The following ADARB2 variants were observed in gnomAD, a reference collection of about 807,000 sequenced individuals.
ADARB2 encodes the protein adenosine deaminase RNA specific B2 (inactive), also known as inactive double-stranded RNA-specific editase B2.
In ADARB2, 25 loss-of-function variants were observed where a neutral mutation model predicts 62.2. The observed-to-expected ratio is 0.40, with a 90% confidence interval of 0.29 to 0.56. The LOEUF is 0.56. Ranked by LOEUF, ADARB2 falls within the 20% of genes least tolerant of loss-of-function variation. The pLI is 0.43. For synonymous variants in ADARB2, 572 were observed against 500.8 expected (o/e 1.14, Z -1.90); for missense variants, 1,071 against 1,077.4 (o/e 0.99, Z 0.08).
intron 1 of ADARB2, among the ~76,000 whole-genome samples, chr10:1,515,297 A>C (rs533363439): frequency 8.1e-4 from 123 of 152,284 alleles, no homozygotes; most frequent in African/African-American, 3.0e-3. Flanking sequence ...CCCCGCTGGG[A>C]ACCTGGTGCC....
intron 4 of ADARB2, among the ~76,000 whole-genome samples, chr10:1,256,088 T>C (rs1188784679): frequency 6.6e-6 from 1 of 152,210 alleles, no homozygotes; most frequent in African/African-American, 2.4e-5. Context: ...ACTTGGAGTA[T>C]TGCCCAGTAT....
chr10:1,526,778 G>A (rs780244946), intron 1 of ADARB2: 1 of 495,324 alleles, frequency 2.0e-6, no homozygotes, highest in Non-Finnish European at 4.2e-6. Flanking sequence ...ATGACATGAA[G>A]CAGCTGTTCC....
intron 1 of ADARB2, among the ~76,000 whole-genome samples, chr10:1,668,570 G>C (rs1834340798): frequency 6.6e-6 from 1 of 152,178 alleles, no homozygotes; most frequent in Admixed American, 6.5e-5. Flanking sequence ...GTCAGGAAAA[G>C]TGGTGTGAAT....
At chr10:1,716,810 C>T (rs1416088136) in intron 1 of ADARB2, among the ~76,000 whole-genome samples, 1 of 152,120 alleles carries the variant, frequency 6.6e-6, no homozygotes, top group Non-Finnish European at 1.5e-5. Flanking sequence ...GTATATATCC[C>T]TTATGACTAT....
chr10:1,216,446 CCT>C (rs1280639651), intron 7 of ADARB2: 9 of 153,658 alleles, frequency 5.9e-5, no homozygotes, highest in African/African-American at 2.3e-4. Flanking sequence ...CATCCCGAGA[CCT>C]CCACATGGAG....
At chr10:1,410,232 T>C (rs891871945) in intron 1 of ADARB2, among the ~76,000 whole-genome samples, 4 of 143,566 alleles carry the variant, frequency 2.8e-5, no homozygotes, top group African/African-American at 8.2e-5. Flanking sequence ...GCCGTGGTCA[T>C]GGGGAAGGAT....
rs184970311 is a variant in ADARB2 at position 1,320,809 on chromosome 10, G to A, written c.1077+42219C>T. 2.2e-3 allele frequency among the ~76,000 whole-genome samples: 331 copies of A among 152,254 alleles called. 2 individuals carry two copies. The highest frequency in any genetic ancestry group is 7.5e-3 in the African/African-American group (311 of 41,548). On this transcript the variant is annotated intron_variant, in intron 3 of 9. Transcript: ENST00000381312. ...AAAAAATATTAGAATACAATGGGCCGGCAGGCAAATGATAAAATGCCTCTT... is the reference window on the plus strand; with the variant it reads ...AAAAAATATTAGAATACAATGGGCCAGCAGGCAAATGATAAAATGCCTCTT...
At chr10:1,725,853 C>T (rs1220865610) in intron 1 of ADARB2, among the ~76,000 whole-genome samples, 1 of 152,196 alleles carries the variant, frequency 6.6e-6, no homozygotes, top group Non-Finnish European at 1.5e-5. Flanking sequence ...GGTGAGAAGT[C>T]CCAGGGAGAG....
rs7081909 is a variant in ADARB2, at chr10:1,180,066, A to G, written c.*3127T>C. 0.92 allele frequency: 140,533 copies of G among 152,260 alleles called. 65,837 individuals carry two copies. The highest frequency in any genetic ancestry group is 1 in the Non-Finnish European group (67,966 of 68,072). 9.4% of individuals were successfully genotyped at this position (152,260 alleles called of 1,614,324 possible). On this transcript the variant is annotated 3_prime_UTR_variant, in exon 10 of 10. Coordinates refer to ENST00000381312, the MANE Select transcript of ADARB2 (RefSeq NM_018702.4). ...CAGTGGTCAAAACTGCAGGGCAGAC[A>G]TGGCCTGAAAGTGGTGCTGGGATGT...
intron 1 of ADARB2, among the ~76,000 whole-genome samples, chr10:1,439,549 AG>A: frequency 1.1e-5 from 1 of 92,152 alleles, no homozygotes; most frequent in Non-Finnish European, 2.5e-5. Flanking sequence ...TCTCCTCAGC[AG>A]ATGGAGGCAG....
intron 1 of ADARB2, among the ~76,000 whole-genome samples, chr10:1,446,332 A>G (rs1830968825): frequency 6.6e-6 from 1 of 152,156 alleles, no homozygotes; most frequent in South Asian, 2.1e-4. Context: ...CAATACACAA[A>G]TCGTCATAGT....
intron 3 of ADARB2, among the ~76,000 whole-genome samples, chr10:1,346,957 C>T (rs911310491): frequency 6.6e-6 from 1 of 152,246 alleles, no homozygotes; most frequent in African/African-American, 2.4e-5. Flanking sequence ...AAGAAAGCAG[C>T]CCCCAGCATA....
intron 2 of ADARB2, among the ~76,000 whole-genome samples, chr10:1,378,252 C>G (rs1478713182): frequency 6.6e-6 from 1 of 152,176 alleles, no homozygotes; most frequent in Non-Finnish European, 1.5e-5. Context: ...AGCCTGGTGC[C>G]ATCCTGAGGA....
At chr10:1,466,513 G>A (rs186220891) in intron 1 of ADARB2, among the ~76,000 whole-genome samples, 173 of 152,236 alleles carry the variant, frequency 1.1e-3, no homozygotes, top group Admixed American at 9.3e-3. Flanking sequence ...GATGAAAAAC[G>A]TTTCTTTCTC....
chr10:1,294,788 C>T (rs1034781572), intron 3 of ADARB2, among the ~76,000 whole-genome samples: 18 of 152,206 alleles, frequency 1.2e-4, no homozygotes, highest in African/African-American at 4.1e-4. Context: ...CTAATTAGCG[C>T]TACCCAATTC....
intron 1 of ADARB2, among the ~76,000 whole-genome samples, chr10:1,604,410 C>T (rs940974743): frequency 3.3e-5 from 5 of 152,120 alleles, no homozygotes; most frequent in Non-Finnish European, 5.9e-5. Context: ...CTGTGATCTC[C>T]AGGCTGGGAA....
intron 1 of ADARB2, among the ~76,000 whole-genome samples, chr10:1,672,615 C>G (rs944523631): frequency 1.3e-5 from 2 of 150,432 alleles, no homozygotes; most frequent in African/African-American, 4.9e-5. Flanking sequence ...GCCTGCCTCC[C>G]TCCATGGACA....
At chr10:1,638,490 G>A (rs1403107338) in intron 1 of ADARB2, among the ~76,000 whole-genome samples, 1 of 147,094 alleles carries the variant, frequency 6.8e-6, no homozygotes, top group Non-Finnish European at 1.5e-5. Flanking sequence ...TTGGTCTATT[G>A]TTCCACTTTC....
intron 1 of ADARB2, among the ~76,000 whole-genome samples, chr10:1,540,508 CGCCCAG>C (rs1332044200): frequency 2.1e-5 from 3 of 144,210 alleles, no homozygotes; most frequent in African/African-American, 8.0e-5. Flanking sequence ...GGATCACAGC[CGCCCAG>C]ACCCCACTCA....
Sources: gnomAD v4.1 joint callset for allele counts (sites outside exome capture counted in the v4.1 genomes callset) on GRCh38, gnomAD v4.1.1 for gene constraint, MANE v1.5 for transcripts, NCBI Gene and HGNC (gene_info 2026-07-23, HGNC 2026-07-21) for gene names.